FRMPD2: variants seen among roughly 807,000 people sequenced by gnomAD.
FRMPD2 encodes FERM and PDZ domain containing 2, also known as FERM and PDZ domain-containing protein 2.
A neutral mutation model predicts 140.1 loss-of-function variants in FRMPD2; 96 were observed. The observed-to-expected ratio is 0.69, with a 90% CI of 0.58 to 0.81. FRMPD2 has a LOEUF of 0.81. Among genes scored for constraint, FRMPD2 ranks in the 40% least tolerant of loss-of-function variants. The pLI is 0.00. For missense variants in FRMPD2, 1,240 were observed against 1,447.4 expected (o/e 0.86, Z 2.32); for synonymous variants, 449 against 547.6 (o/e 0.82, Z 2.52).
chr10:48,207,919 G>A (rs1030368834), intron 13 of FRMPD2, among the ~76,000 whole-genome samples: 14 of 152,112 alleles, frequency 9.2e-5, no homozygotes, highest in African/African-American at 2.7e-4. Flanking sequence ...CCCATTCACC[G>A]TTGATGAAGT....
At chr10:48,171,722 G>A (rs1838263096) in intron 25 of FRMPD2, among the ~76,000 whole-genome samples, 1 of 151,854 alleles carries the variant, frequency 6.6e-6, no homozygotes, top group South Asian at 2.1e-4. Context: ...CTACCATATT[G>A]AATAGCACAA....
At chr10:48,266,035 A>AT (rs1159354129) in intron 1 of FRMPD2, among the ~76,000 whole-genome samples, 1 of 152,216 alleles carries the variant, frequency 6.6e-6, no homozygotes, top group Non-Finnish European at 1.5e-5. Context: ...TTATGCAGCC[A>AT]CAAAAAAGAA....
intron 1 of FRMPD2, among the ~76,000 whole-genome samples, chr10:48,267,816 A>G (rs1840704305): frequency 6.6e-6 from 1 of 152,250 alleles, no homozygotes; most frequent in African/African-American, 2.4e-5. Flanking sequence ...AACCATAAAA[A>G]GAAATCAAGT....
intron 12 of FRMPD2, among the ~76,000 whole-genome samples, chr10:48,217,026 G>A (rs916129880): frequency 6.6e-5 from 10 of 152,192 alleles, no homozygotes; most frequent in Admixed American, 2.0e-4. Flanking sequence ...CTGAGACACT[G>A]CCTCCCTGGG....
At chr10:48,254,696 A>C (rs1840454436) in intron 1 of FRMPD2, among the ~76,000 whole-genome samples, 1 of 152,252 alleles carries the variant, frequency 6.6e-6, no homozygotes, top group Non-Finnish European at 1.5e-5. Flanking sequence ...TTTAAGCTTC[A>C]TGACAGCCTT....
chr10:48,200,865 C>A (rs1487130878), intron 15 of FRMPD2, among the ~76,000 whole-genome samples: 4 of 152,094 alleles, frequency 2.6e-5, no homozygotes, highest in Non-Finnish European at 5.9e-5. Flanking sequence ...TAAATGACAC[C>A]CTAGTAGACA....
intron 14 of FRMPD2, among the ~76,000 whole-genome samples, chr10:48,205,797 T>C (rs950236997): frequency 5.3e-5 from 8 of 152,152 alleles, no homozygotes; most frequent in African/African-American, 9.7e-5. Flanking sequence ...AAACAAACAA[T>C]AATTTATTAT....
At chr10:48,234,369 A>T (rs1224005246) in intron 9 of FRMPD2, among the ~76,000 whole-genome samples, 2 of 152,246 alleles carry the variant, frequency 1.3e-5, no homozygotes, top group African/African-American at 2.4e-5. Flanking sequence ...GCTTTTGAAC[A>T]CAGGGTGCTG....
intron 1 of FRMPD2, among the ~76,000 whole-genome samples, chr10:48,267,562 A>T (rs1010784950): frequency 2.0e-5 from 3 of 152,262 alleles, no homozygotes; most frequent in Admixed American, 6.5e-5. Flanking sequence ...AATATTGGCA[A>T]ATCATCAATC....
intron 8 of FRMPD2, among the ~76,000 whole-genome samples, chr10:48,237,384 TGGAGGCCAGAGAAG>T (rs1187094394): frequency 1.3e-5 from 2 of 152,000 alleles, no homozygotes; most frequent in Non-Finnish European, 2.9e-5. Flanking sequence ...ACCAAGTTCA[TGGAGGCCAGAGAAG>T]GGCCAAGGAG....
intron 3 of FRMPD2, among the ~76,000 whole-genome samples, chr10:48,247,902 T>A (rs1211223911): frequency 6.6e-6 from 1 of 152,140 alleles, no homozygotes; most frequent in African/African-American, 2.4e-5. Context: ...TAAGAAGGTA[T>A]GTGGGCCTGG....
In FRMPD2 at chr10:48,235,205, T is replaced by G. The variant is rs574143807; in HGVS notation, c.993+1277A>C. ...AGCCTCCTTAGCTTTAGTATTTTCA[T>G]GCTTTGGGTAACTCAATCTTGCATA... On this transcript the variant is annotated intron_variant, in intron 9 of 28. Coordinates refer to ENST00000374201, the MANE Select transcript of FRMPD2 (RefSeq NM_001018071.4). Among the ~76,000 whole-genome samples the G allele has an allele frequency of 1.2e-4, 18 of 152,344 alleles. 1 individual carries two copies. Among genetic ancestry groups the G allele is most frequent in the African/African-American group, 4.3e-4 (18 of 41,578 alleles).
intron 16 of FRMPD2, among the ~76,000 whole-genome samples, chr10:48,191,441 C>T (rs1838828224): frequency 6.6e-6 from 1 of 152,188 alleles, no homozygotes; most frequent in South Asian, 2.1e-4. Flanking sequence ...ACACAATGGT[C>T]ATTGTTTTAA....
chr10:48,246,715 C>T (rs2131958547), intron 3 of FRMPD2, among the ~76,000 whole-genome samples: 1 of 152,330 alleles, frequency 6.6e-6, no homozygotes, highest in East Asian at 1.9e-4. Context: ...AGGCCCAGGA[C>T]TGGGGGAGGA....
rs554815505 is a variant in FRMPD2 at position 48,183,965 on chromosome 10, G to A, written c.2584+601C>T. ...CAACACACACCAGAGCCTACTTGAG[G>A]GAGGAGGATGGGAGGAGAGAGAGGA... On this transcript the variant is annotated intron_variant, in intron 20 of 28. Coordinates refer to ENST00000374201, the MANE Select transcript of FRMPD2 (RefSeq NM_001018071.4). 4.6e-5 allele frequency among the ~76,000 whole-genome samples: 7 copies of A among 152,170 alleles called. No individual in the cohort carries two copies. In the East Asian group the frequency reaches 1.4e-3, roughly 29 times the overall value.
chr10:48,176,277 GGCCTGA>G (rs1294057289), intron 22 of FRMPD2: 2 of 169,634 alleles, frequency 1.2e-5, no homozygotes, highest in African/African-American at 5.0e-5. Flanking sequence ...TATGGCTGTG[GGCCTGA>G]AGGCTTGTGC....
intron 13 of FRMPD2, among the ~76,000 whole-genome samples, chr10:48,211,552 G>A (rs922839467): frequency 6.6e-6 from 1 of 152,116 alleles, no homozygotes; most frequent in African/African-American, 2.4e-5. Context: ...GGAGGCCAAG[G>A]CAGGTGGATC....
At chr10:48,196,042 T>G (rs1245133008) in intron 15 of FRMPD2, among the ~76,000 whole-genome samples, 1 of 151,948 alleles carries the variant, frequency 6.6e-6, no homozygotes, top group African/African-American at 2.4e-5. Context: ...TTAAGCTTAT[T>G]TACAGAGGAT....
At chr10:48,206,443 T>C in intron 14 of FRMPD2, among the ~76,000 whole-genome samples, 1 of 152,108 alleles carries the variant, frequency 6.6e-6, no homozygotes, top group East Asian at 1.9e-4. Flanking sequence ...AGTCTCCAAA[T>C]TAAGAAAACT....
Sources: allele counts gnomAD v4.1 joint callset (sites outside exome capture counted in the v4.1 genomes callset), GRCh38; gene constraint gnomAD v4.1.1; transcripts MANE v1.5; gene names NCBI Gene and HGNC (gene_info 2026-07-23, HGNC 2026-07-21).